PANK4: variants seen among roughly 807,000 people sequenced by gnomAD.
PANK4 encodes pantothenate kinase 4 (inactive), also known as 4'-phosphopantetheine phosphatase.
Under a neutral mutation model 87.9 loss-of-function variants are expected in PANK4, and 40 were observed. The ratio of observed to expected loss-of-function variants is 0.46; its 90% CI spans 0.35 to 0.59. The LOEUF (loss-of-function observed/expected upper bound fraction) is 0.59, where lower values mean the gene tolerates loss of function less well. Ranked by LOEUF, PANK4 falls within the 20% of genes least tolerant of loss-of-function variation. The pLI is 0.00. For synonymous variants in PANK4, 524 were observed against 467.4 expected (o/e 1.12, Z -1.56); for missense variants, 926 against 1,072.3 (o/e 0.86, Z 1.90).
Position 2,520,516 on chromosome 1 carries a change from A to T in PANK4, c.607-102T>A. On this transcript the variant is annotated intron_variant, in intron 4 of 18. Transcript: ENST00000378466. The surrounding 1 kb of genome is among the most constrained non-coding windows in gnomAD (Gnocchi z 6.2). ...CTGCGCTGGGGTGAACCCCGCCCCC[A>T]CCCCAACCGCCAGTGGGAGGACTCT... 1 of 475,626 alleles carries T rather than the reference A, an allele frequency of 2.1e-6. No homozygotes were observed. Among genetic ancestry groups the T allele is most frequent in the South Asian group, 2.0e-5 (1 of 50,558 alleles). 29.5% of individuals were successfully genotyped at this position (475,626 alleles called of 1,614,324 possible). A position where few individuals can be genotyped will look rare whatever the true frequency, so the allele number is the denominator to read the frequency against.
intron 1 of PANK4, chr1:2,525,819 G>A (rs917319894): frequency 9.2e-5 from 14 of 152,282 alleles, no homozygotes; most frequent in African/African-American, 3.4e-4. Context: ...AAAGGCCACG[G>A]AAGGCACGGG....
intron 9 of PANK4, among the ~76,000 whole-genome samples, chr1:2,517,038 C>T (rs538829683): frequency 4.6e-5 from 7 of 152,368 alleles, no homozygotes; most frequent in South Asian, 4.1e-4. Context: ...TGGCCGTCCA[C>T]GCAGTCACTC....
chr1:2,517,889 T>C (rs1482528895), intron 9 of PANK4, among the ~76,000 whole-genome samples: 1 of 152,134 alleles, frequency 6.6e-6, no homozygotes, highest in Non-Finnish European at 1.5e-5. Context: ...ACTTTAGCAA[T>C]CTCTCTGCAA....
At chr1:2,521,402 G>A in intron 2 of PANK4, 87 bp from the exon 3 acceptor site, 3 of 1,073,574 alleles carry the variant, frequency 2.8e-6, no homozygotes, top group South Asian at 1.3e-5. Context: ...GGAGCTGGCT[G>A]TTCGCGCCAG....
chr1:2,514,525 C>A, intron 10 of PANK4, 59 bp from the exon 11 acceptor site: 2 of 1,235,234 alleles, frequency 1.6e-6, no homozygotes, highest in East Asian at 2.4e-5. Context: ...TGCGAATCCC[C>A]ACGTGACAGC....
rs947743755 is a variant in PANK4 at position 2,519,652 on chromosome 1, C to T, written c.853+149G>A. ...GCAGTGGGCCTGAGCTGCAGCGACT[C>T]GGCAGGAAGAGGTTACAGGGCTGAC... On this transcript the variant is annotated intron_variant, in intron 6 of 18. Transcript: ENST00000378466. This position sits in a 1 kb window ranked among gnomAD's most constrained non-coding sequence, Gnocchi z 8.3. 2.2e-5 allele frequency: 17 copies of T among 783,442 alleles called. No individual in the cohort carries two copies. The highest frequency in any genetic ancestry group is 3.2e-5 in the Non-Finnish European group (16 of 506,216). The allele number at this position is 783,442 out of a possible 1,614,324, so 48.5% of individuals were successfully genotyped here.
chr1:2,509,711 G>C lies in PANK4; in HGVS notation c.2108+151C>G. The C allele has an allele frequency of 1.5e-6, 1 of 679,682 alleles. No homozygotes were observed. Among genetic ancestry groups the C allele is most frequent in the East Asian group, 2.7e-5 (1 of 36,958 alleles). 42.1% of individuals were successfully genotyped at this position (679,682 alleles called of 1,614,324 possible). A position where few individuals can be genotyped will look rare whatever the true frequency, so the allele number is the denominator to read the frequency against. ...GGCCACCTTCGGGGATGGCATATCT[G>C]TCCCCTCCTGAGATCAATCCGGGCC... is the stretch of plus-strand genomic sequence containing the variant. On this transcript the variant is annotated intron_variant, in intron 18 of 18. Coordinates refer to ENST00000378466, the MANE Select transcript of PANK4 (RefSeq NM_018216.4). This position sits in a 1 kb window ranked among gnomAD's most constrained non-coding sequence, Gnocchi z 4.9.
At position 2,515,608 on chromosome 1, in the gene PANK4, A is replaced by G; in HGVS notation, c.1328T>C (p.Leu443Pro). Residue 443 changes from leucine to proline, a missense_variant, in exon 10 of 19, where the codon CTG (leucine) becomes CCG (proline). Physicochemically the swap from Leu to Pro is moderately conservative, Grantham distance 98. Transcript: ENST00000378466. This position sits in a 1 kb window ranked among gnomAD's most constrained non-coding sequence, Gnocchi z 5.0. ...GCAGGTGAGCCAGTATTTTCGGGCC[A>G]GAGCGTCATCGGTGAGGTCCACCGT... ...PDTVDLTDDA[L>P]ARKYWLTCFE... The G allele has an allele frequency of 6.2e-7, 1 of 1,613,300 alleles. No individual in the cohort carries two copies. Among genetic ancestry groups the G allele is most frequent in the Non-Finnish European group, 8.5e-7 (1 of 1,179,978 alleles).
chr1:2,515,403 T>G lies in PANK4; in HGVS notation c.1374+159A>C. ...GGTGGCCAGGAGCGGTATTTTTGCC[T>G]GAGAAACCAAAATCGCCCCCTCACT... On this transcript the variant is annotated intron_variant, in intron 10 of 18. Transcript: ENST00000378466. This position sits in a 1 kb window ranked among gnomAD's most constrained non-coding sequence, Gnocchi z 5.0. The G allele has an allele frequency of 1.2e-6, 1 of 834,714 alleles. No individual in the cohort carries two copies. The highest frequency in any genetic ancestry group is 2.0e-6 in the Non-Finnish European group (1 of 504,362). The allele number at this position is 834,714 out of a possible 1,614,324, so 51.7% of individuals were successfully genotyped here. A position where few individuals can be genotyped will look rare whatever the true frequency, so the allele number is the denominator to read the frequency against.
chr1:2,521,030 G>C (rs937528185), intron 3 of PANK4, 71 bp downstream of exon 3: 1 of 1,532,210 alleles, frequency 6.5e-7, no homozygotes, highest in Non-Finnish European at 9.0e-7. Context: ...CGCCAGGGAC[G>C]CGGCTCTGGG....
In PANK4 at chr1:2,515,133, G is replaced by GC; in HGVS notation, c.1374+428dup. On this transcript the variant is annotated intron_variant, in intron 10 of 18. Coordinates refer to ENST00000378466, the MANE Select transcript of PANK4 (RefSeq NM_018216.4). The surrounding 1 kb of genome is among the most constrained non-coding windows in gnomAD (Gnocchi z 5.0). ...GCCTGGCATTTGCTCCACGGGACCA[G>GC]CCCAGCCTTGGAGAAGGTGGGACGC... The GC allele has an allele frequency of 2.7e-6, 1 of 370,612 alleles. No individual in the cohort carries two copies. Among genetic ancestry groups the GC allele is most frequent in the East Asian group, 7.2e-5 (1 of 13,906 alleles). The allele number at this position is 370,612 out of a possible 1,614,324, so 23.0% of individuals were successfully genotyped here.
rs755075041 is a variant in PANK4 at position 2,519,344 on chromosome 1, G to C, written c.854-20C>G. 2 of 1,585,850 alleles carry C rather than the reference G, an allele frequency of 1.3e-6. No individual in the cohort carries two copies. The highest frequency in any genetic ancestry group is 1.7e-5 in the Admixed American group (1 of 58,482). ...AGAACTCTGAGGAAGGGAAGGAAAA[G>C]GCACTCATCTCCAAGTACAGCAAGT... On this transcript the variant is annotated intron_variant, in intron 6 of 18. Transcript: ENST00000378466. The surrounding 1 kb of genome is among the most constrained non-coding windows in gnomAD (Gnocchi z 8.3).
In PANK4 at chr1:2,510,252, G is replaced by C; in HGVS notation, c.1939-95C>G. 1.2e-6 allele frequency: 1 copy of C among 834,346 alleles called. No homozygotes were observed. Among genetic ancestry groups the C allele is most frequent in the Middle Eastern group, 3.4e-4 (1 of 2,984 alleles). The allele number at this position is 834,346 out of a possible 1,614,324, so 51.7% of individuals were successfully genotyped here. A position where few individuals can be genotyped will look rare whatever the true frequency, so the allele number is the denominator to read the frequency against. On this transcript the variant is annotated intron_variant, in intron 16 of 18. Coordinates refer to ENST00000378466, the MANE Select transcript of PANK4 (RefSeq NM_018216.4). This position sits in a 1 kb window ranked among gnomAD's most constrained non-coding sequence, Gnocchi z 4.9. ...CCTTCGAGTGGCTGGGCTGGGTGAGGGTGCTGTGCCCAGCGGGCCTGGCCA... is the reference window on the plus strand; with the variant it reads ...CCTTCGAGTGGCTGGGCTGGGTGAGCGTGCTGTGCCCAGCGGGCCTGGCCA...
In PANK4 at chr1:2,509,758, G is replaced by C. The variant is rs1464438498; in HGVS notation, c.2108+104C>G. ...GGCCTGGGGTCAGGAGAGGCCGCAG[G>C]GGCAGTCCTGAGGTCGGTGTCCCGC... On this transcript the variant is annotated intron_variant, in intron 18 of 18. Coordinates refer to ENST00000378466, the MANE Select transcript of PANK4 (RefSeq NM_018216.4). This position sits in a 1 kb window ranked among gnomAD's most constrained non-coding sequence, Gnocchi z 4.9. The C allele has an allele frequency of 1.0e-6, 1 of 980,478 alleles. No homozygotes were observed. The highest frequency in any genetic ancestry group is 1.6e-6 in the Non-Finnish European group (1 of 623,886). The allele number at this position is 980,478 out of a possible 1,614,324, so 60.7% of individuals were successfully genotyped here. A position where few individuals can be genotyped will look rare whatever the true frequency, so the allele number is the denominator to read the frequency against.
Position 2,521,757 on chromosome 1 carries a change from G to A in PANK4, c.168C>T (p.His56=). 1 of 1,614,040 alleles carries A rather than the reference G, an allele frequency of 6.2e-7. No homozygotes were observed. The highest frequency in any genetic ancestry group is 8.5e-7 in the Non-Finnish European group (1 of 1,180,000). Residue 56 remains histidine, a synonymous_variant, in exon 2 of 19, where the codon CAC becomes CAT. Coordinates refer to ENST00000378466, the MANE Select transcript of PANK4 (RefSeq NM_018216.4). ...TKLAYYSTVQ[H]KVAKVRSFDH... is the part of the protein sequence containing the mutation. Reference sequence around the variant, plus strand: ...CGAAAGACCGCACCTTGGCGACTTTGTGCTGTACCGTTGAATAGTAGGCCA... The same window carrying A: ...CGAAAGACCGCACCTTGGCGACTTTATGCTGTACCGTTGAATAGTAGGCCA...
At position 2,520,326 on chromosome 1, in the gene PANK4, G is replaced by C; in HGVS notation, c.695C>G (p.Thr232Arg). 1 of 1,612,680 alleles carries C rather than the reference G, an allele frequency of 6.2e-7. No individual in the cohort carries two copies. Among genetic ancestry groups the C allele is most frequent in the Non-Finnish European group, 8.5e-7 (1 of 1,179,762 alleles). The change falls in exon 5 of 19, where the codon ACG becomes AGG. Residue 232 changes from threonine to arginine, a missense_variant. Transcript: ENST00000378466. This position sits in a 1 kb window ranked among gnomAD's most constrained non-coding sequence, Gnocchi z 6.2. ...FWGLGALLTKTKKFDELLHLA... is the reference protein window; with the variant it reads ...FWGLGALLTKRKKFDELLHLA... ...TCTCTGGCAGCTGCCGCATACCTTC[G>C]TTTTGGTGAGCAGAGCGCCAAGCCC... is the stretch of plus-strand genomic sequence containing the variant.
Position 2,510,664 on chromosome 1 carries a change from ACCT to A in PANK4, c.1938+11_1938+13del, listed in dbSNP as rs1643646026. The A allele has an allele frequency of 1.4e-6, 2 of 1,467,864 alleles. No homozygotes were observed. The highest frequency in any genetic ancestry group is 3.4e-5 in the Admixed American group (2 of 59,348). 90.9% of individuals were successfully genotyped at this position (1,467,864 alleles called of 1,614,324 possible). A position where few individuals can be genotyped will look rare whatever the true frequency, so the allele number is the denominator to read the frequency against. ...GCCCAGGGGAAGGGCCCCACCCACC[ACCT>A]CAACACTCACCTCTGTCCCTCTAAG... On this transcript the variant is annotated intron_variant, in intron 16 of 18. Coordinates refer to ENST00000378466, the MANE Select transcript of PANK4 (RefSeq NM_018216.4). The surrounding 1 kb of genome is among the most constrained non-coding windows in gnomAD (Gnocchi z 4.9).
intron 9 of PANK4, among the ~76,000 whole-genome samples, chr1:2,517,494 G>T (rs1177361467): frequency 6.6e-6 from 1 of 152,256 alleles, no homozygotes; most frequent in East Asian, 1.9e-4. Context: ...GCCCCGCGGG[G>T]GGGCACGGTC....
Position 2,511,671 on chromosome 1 carries a change from G to A in PANK4, c.1740C>T (p.Ser580=), listed in dbSNP as rs751831829. ...GAKAVSAVLE[S]DPYFGFEEAK... ...CTTCTTCAAACCCAAAGTAGGGGTC[G>A]GATTCAAGGACACTGCATGGAGGAG... Residue 580 remains serine, a synonymous_variant, in exon 14 of 19, where the codon TCC becomes TCT. Transcript: ENST00000378466. The A allele has an allele frequency of 2.7e-5, 44 of 1,605,732 alleles. No individual in the cohort carries two copies. Among genetic ancestry groups the A allele is most frequent in the African/African-American group, 5.3e-5 (4 of 74,774 alleles).
Sources: allele counts gnomAD v4.1 joint callset (sites outside exome capture counted in the v4.1 genomes callset), GRCh38; gene constraint gnomAD v4.1.1; non-coding constraint Gnocchi (gnomAD v3.1); transcripts MANE v1.5; gene names NCBI Gene and HGNC (gene_info 2026-07-23, HGNC 2026-07-21).